Variants in CCDC174 observed in about 807,000 individuals in gnomAD.
CCDC174 encodes coiled-coil domain containing 174, also known as coiled-coil domain-containing protein 174.
Under a neutral mutation model 57.1 loss-of-function variants are expected in CCDC174, and 37 were observed. The ratio of observed to expected loss-of-function variants is 0.65; its 90% CI spans 0.50 to 0.85. The LOEUF (loss-of-function observed/expected upper bound fraction) is 0.85. Ranked by LOEUF, CCDC174 falls within the 40% of genes least tolerant of loss-of-function variation. The probability of loss-of-function intolerance (pLI) is 0.00; values close to 1 mark genes in which losing one functional copy is unlikely to be tolerated. For synonymous variants in CCDC174, 182 were observed against 190.2 expected (o/e 0.96, Z 0.35); for missense variants, 540 against 574.3 (o/e 0.94, Z 0.61).
At chr3:14,667,645 A>G in intron 8 of CCDC174, 127 bp downstream of exon 8, 2 of 707,446 alleles carry the variant, frequency 2.8e-6, no homozygotes, top group Non-Finnish European at 4.8e-6. Context: ...GCATAAAGGT[A>G]GTTGCCATAC....
intron 4 of CCDC174, among the ~76,000 whole-genome samples, chr3:14,659,130 G>A (rs1322413147): frequency 6.6e-6 from 1 of 152,154 alleles, no homozygotes; most frequent in Non-Finnish European, 1.5e-5. Context: ...TTAGGTGCCT[G>A]GAAGGGACAA....
chr3:14,667,867 A>G, intron 8 of CCDC174, 182 bp from the exon 9 acceptor site: 1 of 606,768 alleles, frequency 1.6e-6, no homozygotes, highest in South Asian at 2.3e-5. Flanking sequence ...ACTTTGTAAG[A>G]CATCAGAGGG....
At chr3:14,655,731 T>C in intron 3 of CCDC174, 102 bp downstream of exon 3, 1 of 654,860 alleles carries the variant, frequency 1.5e-6, no homozygotes, top group African/African-American at 1.9e-5. Context: ...ATTTTATTTT[T>C]AACATCCTTC....
chr3:14,670,122 C>T, intron 10 of CCDC174, 36 bp downstream of exon 10: 1 of 1,570,368 alleles, frequency 6.4e-7, no homozygotes, highest in Non-Finnish European at 8.6e-7. Flanking sequence ...AAGAACTCTC[C>T]AGTGAATGGA....
intron 4 of CCDC174, 129 bp downstream of exon 4, chr3:14,659,058 T>C (rs950066461): frequency 1.0e-5 from 9 of 869,336 alleles, no homozygotes; most frequent in African/African-American, 3.5e-5. Flanking sequence ...TTTCCATGGC[T>C]GCACAGAGAC....
intron 1 of CCDC174, 55 bp from the exon 2 acceptor site, chr3:14,654,371 A>G: frequency 2.3e-6 from 2 of 883,530 alleles, no homozygotes; most frequent in Non-Finnish European, 3.7e-6. Context: ...TAATTTAGCA[A>G]TCCAGTCACC....
Position 14,670,940 on chromosome 3 carries a change from G to A in CCDC174, c.1150G>A (p.Ala384Thr). 6.2e-7 allele frequency: 1 copy of A among 1,613,990 alleles called. No homozygotes were observed. Among genetic ancestry groups the A allele is most frequent in the Non-Finnish European group, 8.5e-7 (1 of 1,179,896 alleles). ...GTCGAAGAGGCAGTCAGATCTCCGG[G>A]CTGAGAGAGATCCTGAGTTTGCCCC... ...YWSKRQSDLRAERDPEFAPPS... is the reference protein window; with the variant it reads ...YWSKRQSDLRTERDPEFAPPS... Residue 384 changes from alanine (A) to threonine (T), a missense_variant, in exon 11 of 11, where the codon GCT (alanine) becomes ACT (threonine). Transcript: ENST00000383794.
chr3:14,669,740 A>G (rs1385738486), intron 9 of CCDC174, among the ~76,000 whole-genome samples, 194 bp from the exon 10 acceptor site: 1 of 152,208 alleles, frequency 6.6e-6, no homozygotes, highest in Non-Finnish European at 1.5e-5. Context: ...ATATGGAAGT[A>G]TTGAATTTAT....
rs199502464 is a variant in CCDC174 at position 14,660,497 on chromosome 3, C to G, written c.308-1033C>G. Among the ~76,000 whole-genome samples, 19 of 148,570 alleles carry G rather than the reference C, an allele frequency of 1.3e-4. No homozygotes were observed. In the East Asian group the frequency reaches 2.2e-3, roughly 17 times the overall value. On this transcript the variant is annotated intron_variant, in intron 4 of 10. Transcript: ENST00000383794. ...CTAGCCTGGGCGACGGAGTGAGATT[C>G]AGATTCAGAAAAAGAAAAAAAAAGT...
At chr3:14,653,073 A>G (rs2030831763) in intron 1 of CCDC174, among the ~76,000 whole-genome samples, 1 of 152,168 alleles carries the variant, frequency 6.6e-6, no homozygotes, top group African/African-American at 2.4e-5. Context: ...AGGAAAACAT[A>G]TAGGTGTCCC....
chr3:14,671,085 G>T lies in CCDC174; in HGVS notation c.1295G>T (p.Ser432Ile). The change falls in exon 11 of 11, where the codon AGC (serine) becomes ATC (isoleucine). Residue 432 changes from serine (S) to isoleucine (I), a missense_variant. Ser to Ile is a moderately radical substitution (Grantham distance 142). Coordinates refer to ENST00000383794, the MANE Select transcript of CCDC174 (RefSeq NM_016474.5). ...TGCCCTGACCAGAGCCACGGACCTAGCCCTGAACATACGTCACCCACTCCT... is the reference window on the plus strand; with the variant it reads ...TGCCCTGACCAGAGCCACGGACCTATCCCTGAACATACGTCACCCACTCCT... ...GQCPDQSHGP[S>I]PEHTSPTPAP... is the part of the protein sequence containing the mutation. 6.2e-7 allele frequency: 1 copy of T among 1,614,154 alleles called. No homozygotes were observed.
chr3:14,669,190 G>A (rs1220189989), intron 9 of CCDC174, among the ~76,000 whole-genome samples: 1 of 152,204 alleles, frequency 6.6e-6, no homozygotes. Flanking sequence ...AGGAAAAGGA[G>A]GAGTGTGGGT....
chr3:14,655,735 A>G (rs1163885474), intron 3 of CCDC174, 106 bp downstream of exon 3: 1 of 631,650 alleles, frequency 1.6e-6, no homozygotes, highest in Non-Finnish European at 2.7e-6. Flanking sequence ...TATTTTTAAC[A>G]TCCTTCTAGC....
intron 5 of CCDC174, among the ~76,000 whole-genome samples, chr3:14,662,593 C>T (rs1395627164): frequency 6.6e-6 from 1 of 152,186 alleles, no homozygotes; most frequent in Non-Finnish European, 1.5e-5. Flanking sequence ...TTCAGCAGTG[C>T]TTGAAATTGC....
Position 14,668,090 on chromosome 3 carries a change from G to A in CCDC174, c.861G>A (p.Lys287=), listed in dbSNP as rs763614170. The change falls in exon 9 of 11, where the codon AAG becomes AAA. Residue 287 remains lysine, a synonymous_variant. Transcript: ENST00000383794. ...QRTKRENIKE[K]RKAILEARLA... ...CAAAACGAGAAAACATAAAGGAAAAGCGAAAGGCTATCTTAGAGGCAAGAC... is the reference window on the plus strand; with the variant it reads ...CAAAACGAGAAAACATAAAGGAAAAACGAAAGGCTATCTTAGAGGCAAGAC... The A allele has an allele frequency of 1.9e-6, 3 of 1,606,076 alleles. No individual in the cohort carries two copies. The East Asian group carries it at 6.7e-5, about 36-fold the overall frequency.
At chr3:14,657,577 T>G (rs990532737) in intron 3 of CCDC174, among the ~76,000 whole-genome samples, 6 of 152,234 alleles carry the variant, frequency 3.9e-5, no homozygotes, top group Non-Finnish European at 8.8e-5. Flanking sequence ...ATTTGTAGTC[T>G]GTTCCTAACC....
At chr3:14,654,905 G>C (rs762999706) in intron 2 of CCDC174, among the ~76,000 whole-genome samples, 2 of 152,186 alleles carry the variant, frequency 1.3e-5, no homozygotes, top group Non-Finnish European at 2.9e-5. Flanking sequence ...AGTTTTATAG[G>C]TAATAGTGTC....
In CCDC174 at chr3:14,666,941, GA is replaced by G; in HGVS notation, c.722del (p.Asn241MetfsTer19). ...MGPVHYEDIR[E>X]NEARQLGVGY... ...GCCCGTACATTATGAAGACATTCGG[GA>G]AAATGGTATGACTATTTTCTTGCAG... On this transcript the variant is annotated frameshift_variant, in exon 7 of 11. Coordinates refer to ENST00000383794, the MANE Select transcript of CCDC174 (RefSeq NM_016474.5). LOFTEE classifies it high-confidence loss of function. 1 of 1,575,156 alleles carries G rather than the reference GA, an allele frequency of 6.3e-7. No individual in the cohort carries two copies. Among genetic ancestry groups the G allele is most frequent in the Non-Finnish European group, 8.6e-7 (1 of 1,168,798 alleles).
chr3:14,663,251 C>T (rs2031212180), intron 5 of CCDC174, among the ~76,000 whole-genome samples: 1 of 152,178 alleles, frequency 6.6e-6, no homozygotes, highest in Admixed American at 6.5e-5. Context: ...GAGCAATCCT[C>T]CTGCCTGGGC....
Sources: allele counts gnomAD v4.1 joint callset (sites outside exome capture counted in the v4.1 genomes callset), GRCh38; gene constraint gnomAD v4.1.1; transcripts MANE v1.5; gene names NCBI Gene and HGNC (gene_info 2026-07-23, HGNC 2026-07-21).